The following ARHGAP20 variants were observed in gnomAD, a reference collection of about 807,000 sequenced individuals.
The protein encoded by ARHGAP20 is Rho GTPase activating protein 20, also known as rho GTPase-activating protein 20.
In ARHGAP20, 34 loss-of-function variants were observed where a neutral mutation model predicts 73.7. The observed-to-expected ratio is 0.46, with a 90% CI of 0.35 to 0.61. ARHGAP20 has a LOEUF of 0.61. Ranked by LOEUF, ARHGAP20 falls within the 20% of genes least tolerant of loss-of-function variation. ARHGAP20 has a pLI of 0.00. For synonymous variants in ARHGAP20, 523 were observed against 518.2 expected, an observed-to-expected ratio of 1.01 and a Z score of -0.13; for missense variants, 1,314 against 1,420.9, an observed-to-expected ratio of 0.92 and a Z score of 1.21.
chr11:110,617,092 C>T (rs2134907065), intron 4 of ARHGAP20, among the ~76,000 whole-genome samples: 1 of 152,248 alleles, frequency 6.6e-6, no homozygotes, highest in South Asian at 2.1e-4. Context: ...TTCCACTATC[C>T]TGACTTCCAA....
At chr11:110,603,077 A>G (rs1336370615) in intron 9 of ARHGAP20, among the ~76,000 whole-genome samples, 1 of 152,228 alleles carries the variant, frequency 6.6e-6, no homozygotes, top group African/African-American at 2.4e-5. Flanking sequence ...CAGTGGTACT[A>G]CCTGAAAAAT....
chr11:110,639,608 T>C (rs1269191206), intron 2 of ARHGAP20, among the ~76,000 whole-genome samples: 1 of 151,938 alleles, frequency 6.6e-6, no homozygotes, highest in Non-Finnish European at 1.5e-5. Context: ...TCATTCCCCA[T>C]TCCCCCTAGT....
At chr11:110,651,973 G>A (rs867008823) in intron 2 of ARHGAP20, among the ~76,000 whole-genome samples, 6 of 151,978 alleles carry the variant, frequency 3.9e-5, no homozygotes, top group Non-Finnish European at 8.8e-5. Flanking sequence ...GATGAACATC[G>A]ATGCAAGAAT....
intron 2 of ARHGAP20, among the ~76,000 whole-genome samples, chr11:110,655,207 G>A (rs1486947598): frequency 6.6e-6 from 1 of 152,160 alleles, no homozygotes; most frequent in Non-Finnish European, 1.5e-5. Context: ...ACAAATCAGA[G>A]TCCCTTCTTT....
At chr11:110,583,070 C>T (rs1947516716) in intron 13 of ARHGAP20, among the ~76,000 whole-genome samples, 2 of 152,186 alleles carry the variant, frequency 1.3e-5, no homozygotes, top group African/African-American at 4.8e-5. Flanking sequence ...ATGTTAAGAG[C>T]AAAGGGAACT....
intron 1 of ARHGAP20, among the ~76,000 whole-genome samples, chr11:110,703,152 C>T (rs1950489724): frequency 6.6e-6 from 1 of 152,060 alleles, no homozygotes; most frequent in Non-Finnish European, 1.5e-5. Flanking sequence ...TCTATTTACC[C>T]ATAAATCATC....
chr11:110,612,283 C>T (rs1392668101), intron 6 of ARHGAP20, among the ~76,000 whole-genome samples: 1 of 151,246 alleles, frequency 6.6e-6, no homozygotes, highest in African/African-American at 2.4e-5. Context: ...AAAAATTTAG[C>T]TGGGCGTAGT....
intron 2 of ARHGAP20, among the ~76,000 whole-genome samples, chr11:110,647,510 G>A (rs1190522437): frequency 6.6e-6 from 1 of 152,124 alleles, no homozygotes; most frequent in African/African-American, 2.4e-5. Context: ...GGTCTCCAGT[G>A]ACCAAGAGAA....
chr11:110,658,743 T>C (rs1160618802), intron 2 of ARHGAP20, among the ~76,000 whole-genome samples: 2 of 152,008 alleles, frequency 1.3e-5, no homozygotes, highest in Non-Finnish European at 2.9e-5. Flanking sequence ...GTTTAATCCA[T>C]TCCTCCAGCA....
intron 2 of ARHGAP20, among the ~76,000 whole-genome samples, chr11:110,649,271 C>T (rs183778396): frequency 7.1e-6 from 1 of 140,984 alleles, no homozygotes; most frequent in African/African-American, 2.7e-5. Context: ...AACTCCTGGC[C>T]TTAAGTGATC....
chr11:110,589,780 T>G, intron 11 of ARHGAP20: 5 of 891,050 alleles, frequency 5.6e-6, no homozygotes, highest in Non-Finnish European at 6.7e-6. Flanking sequence ...GTGGTAAAAG[T>G]AAAGGAAAAC....
At chr11:110,626,061 T>C (rs1193609273) in intron 3 of ARHGAP20, among the ~76,000 whole-genome samples, 1 of 152,246 alleles carries the variant, frequency 6.6e-6, no homozygotes, top group Admixed American at 6.5e-5. Flanking sequence ...GGCTTCTTTC[T>C]ATATTTCAAT....
intron 1 of ARHGAP20, among the ~76,000 whole-genome samples, chr11:110,699,056 A>G (rs934584148): frequency 6.6e-6 from 1 of 151,902 alleles, no homozygotes; most frequent in African/African-American, 2.4e-5. Context: ...ATTTAAAGTT[A>G]TAAACTTTCC....
At chr11:110,709,968 G>A (rs1950616401) in intron 1 of ARHGAP20, among the ~76,000 whole-genome samples, 2 of 152,188 alleles carry the variant, frequency 1.3e-5, no homozygotes, top group Admixed American at 1.3e-4. Flanking sequence ...GCTTGGCTTG[G>A]ACTACACTGG....
At chr11:110,594,687 C>A (rs948765194) in intron 9 of ARHGAP20, among the ~76,000 whole-genome samples, 5 of 152,130 alleles carry the variant, frequency 3.3e-5, no homozygotes, top group African/African-American at 1.2e-4. Flanking sequence ...CAGATGGATT[C>A]ACAGCCGAAT....
intron 1 of ARHGAP20, among the ~76,000 whole-genome samples, chr11:110,703,124 C>G (rs1950488811): frequency 6.6e-6 from 1 of 152,050 alleles, no homozygotes; most frequent in Non-Finnish European, 1.5e-5. Flanking sequence ...TCAGTTTGGT[C>G]TGTGATAAAT....
intron 9 of ARHGAP20, among the ~76,000 whole-genome samples, chr11:110,593,352 T>A (rs185652884): frequency 6.6e-6 from 1 of 152,190 alleles, no homozygotes; most frequent in African/African-American, 2.4e-5. Flanking sequence ...TAAAAATCTC[T>A]TTAAGGTTAC....
At chr11:110,596,025 C>G (rs563134241) in intron 9 of ARHGAP20, among the ~76,000 whole-genome samples, 3,371 of 151,956 alleles carry the variant, frequency 0.022, 100 homozygotes, top group African/African-American at 0.072. Flanking sequence ...ACAAACCTGA[C>G]AAAAACAAGC....
chr11:110,690,467 A>G, intron 2 of ARHGAP20, 80 bp downstream of exon 2: 1 of 1,343,174 alleles, frequency 7.4e-7, no homozygotes, highest in Non-Finnish European at 1.1e-6. Flanking sequence ...ACATTAAAGA[A>G]TATGTGATCT....
Sources: allele counts gnomAD v4.1 joint callset (sites outside exome capture counted in the v4.1 genomes callset), GRCh38; gene constraint gnomAD v4.1.1; transcripts MANE v1.5; gene names NCBI Gene and HGNC (gene_info 2026-07-23, HGNC 2026-07-21).